GRIA1: variants seen among roughly 807,000 people sequenced by gnomAD.
The protein encoded by GRIA1 is glutamate receptor 1.
GRIA1 carries 31 observed loss-of-function variants against 99.2 expected under a neutral mutation model. That is an observed-to-expected ratio of 0.31 (90% CI 0.23 to 0.42). GRIA1 has a LOEUF of 0.42. Among genes scored for constraint, GRIA1 ranks in the 10% least tolerant of loss-of-function variants. The probability of loss-of-function intolerance (pLI) is 1.00; values close to 1 mark genes in which losing one functional copy is unlikely to be tolerated. For synonymous variants in GRIA1, 438 were observed against 432.4 expected, an observed-to-expected ratio of 1.01 and a Z score of -0.16; for missense variants, 782 against 1,157.5, an observed-to-expected ratio of 0.68 and a Z score of 4.71.
chr5:153,535,286 T>C (rs2113457424), intron 2 of GRIA1, among the ~76,000 whole-genome samples: 1 of 152,310 alleles, frequency 6.6e-6, no homozygotes, highest in Middle Eastern at 3.4e-3. Flanking sequence ...ACGTGCCATG[T>C]AAATTTAGAA....
chr5:153,655,773 T>C (rs775503368), intron 4 of GRIA1, 46 bp from the exon 5 acceptor site: 11 of 1,546,624 alleles, frequency 7.1e-6, no homozygotes, highest in Non-Finnish European at 9.8e-6. Context: ...GTCGTGGCTT[T>C]AACTGTTAGT....
At chr5:153,759,655 C>T (rs1194684510) in intron 11 of GRIA1, among the ~76,000 whole-genome samples, 2 of 151,952 alleles carry the variant, frequency 1.3e-5, no homozygotes, top group African/African-American at 2.4e-5. Flanking sequence ...TATTCTCAAA[C>T]TATTCCAAAA....
intron 2 of GRIA1, among the ~76,000 whole-genome samples, chr5:153,597,876 G>A (rs1047429991): frequency 5.3e-5 from 8 of 151,696 alleles, no homozygotes; most frequent in African/African-American, 1.7e-4. Flanking sequence ...GCCTGGTGCT[G>A]TGGCATGTAC....
At chr5:153,511,107 C>T (rs745782765) in intron 2 of GRIA1, among the ~76,000 whole-genome samples, 7 of 152,172 alleles carry the variant, frequency 4.6e-5, no homozygotes, top group Non-Finnish European at 1.0e-4. Context: ...CTCTGTAGCC[C>T]ACAGAACAGG....
chr5:153,714,123 C>T (rs1232393036), intron 11 of GRIA1, among the ~76,000 whole-genome samples: 1 of 152,096 alleles, frequency 6.6e-6, no homozygotes, highest in Non-Finnish European at 1.5e-5. Flanking sequence ...GGAAGTCAGC[C>T]GGGGGCTGTG....
intron 11 of GRIA1, among the ~76,000 whole-genome samples, chr5:153,743,149 C>A (rs920276401): frequency 6.6e-6 from 1 of 152,108 alleles, no homozygotes; most frequent in African/African-American, 2.4e-5. Flanking sequence ...AAGTGGAGAC[C>A]GAGGCTAAAA....
intron 2 of GRIA1, among the ~76,000 whole-genome samples, chr5:153,562,889 T>G (rs985941635): frequency 3.3e-5 from 5 of 152,288 alleles, no homozygotes; most frequent in African/African-American, 1.2e-4. Context: ...TTTGAAATCC[T>G]GCTTGCGGCC....
At chr5:153,663,228 G>A (rs1325003214) in intron 5 of GRIA1, among the ~76,000 whole-genome samples, 1 of 152,124 alleles carries the variant, frequency 6.6e-6, no homozygotes, top group East Asian at 1.9e-4. Context: ...ATTTTATAAG[G>A]AGAAAAATGA....
chr5:153,555,502 A>T (rs1235035494), intron 2 of GRIA1, among the ~76,000 whole-genome samples: 1 of 152,168 alleles, frequency 6.6e-6, no homozygotes, highest in Non-Finnish European at 1.5e-5. Context: ...CACTGGAGGA[A>T]TGTTGTAATA....
chr5:153,806,696 G>C (rs940763442), intron 15 of GRIA1, among the ~76,000 whole-genome samples: 1 of 152,216 alleles, frequency 6.6e-6, no homozygotes, highest in African/African-American at 2.4e-5. Context: ...GCAGAAAAGA[G>C]AAAGAAGGGT....
chr5:153,568,470 T>C (rs1761843061), intron 2 of GRIA1, among the ~76,000 whole-genome samples: 1 of 152,178 alleles, frequency 6.6e-6, no homozygotes, highest in Admixed American at 6.5e-5. Context: ...CAAAATATCA[T>C]CAGAAACAGT....
At position 153,490,747 on chromosome 5, in the gene GRIA1, A is replaced by AAAGG; in HGVS notation, c.-134_-131dup. The AAAGG allele has an allele frequency of 4.1e-6, 3 of 740,018 alleles. No homozygotes were observed. In the East Asian group the frequency reaches 7.4e-5, roughly 18 times the overall value. 45.8% of individuals were successfully genotyped at this position (740,018 alleles called of 1,614,324 possible). ...CCAAGGGAAACAGACAAACCTCACG[A>AAAGG]AAGGAAGGAAGCAAGCAAGCAAGGA... is the stretch of plus-strand genomic sequence containing the variant. On this transcript the variant is annotated 5_prime_UTR_variant, in exon 1 of 16. Coordinates refer to ENST00000285900, the MANE Select transcript of GRIA1 (RefSeq NM_000827.4).
chr5:153,798,922 T>TG (rs1020413513), intron 14 of GRIA1, among the ~76,000 whole-genome samples: 3 of 151,728 alleles, frequency 2.0e-5, no homozygotes, highest in East Asian at 1.9e-4. Flanking sequence ...AACAGATGAG[T>TG]GGGGGGGTTT....
chr5:153,676,730 A>G (rs1025014304), intron 6 of GRIA1, among the ~76,000 whole-genome samples: 2 of 152,180 alleles, frequency 1.3e-5, no homozygotes, highest in African/African-American at 4.8e-5. Context: ...TCTCTTCAAA[A>G]ATTATAACTG....
At chr5:153,740,686 T>C (rs1442431209) in intron 11 of GRIA1, among the ~76,000 whole-genome samples, 3 of 152,192 alleles carry the variant, frequency 2.0e-5, no homozygotes, top group African/African-American at 4.8e-5. Flanking sequence ...CAAGGCAAAA[T>C]TGCTGGTCCA....
chr5:153,578,296 C>T (rs921641810), intron 2 of GRIA1, among the ~76,000 whole-genome samples: 1 of 151,836 alleles, frequency 6.6e-6, no homozygotes, highest in African/African-American at 2.4e-5. Context: ...CAGTGAATGC[C>T]CTTACTGAGT....
intron 4 of GRIA1, among the ~76,000 whole-genome samples, chr5:153,654,802 C>T (rs1423568993): frequency 2.6e-5 from 4 of 152,100 alleles, no homozygotes; most frequent in Non-Finnish European, 5.9e-5. Flanking sequence ...GAGCAGAGTA[C>T]ACTAACCCCA....
chr5:153,591,537 T>C (rs1192873856), intron 2 of GRIA1, among the ~76,000 whole-genome samples: 1 of 152,220 alleles, frequency 6.6e-6, no homozygotes, highest in African/African-American at 2.4e-5. Flanking sequence ...ATCTTGTATA[T>C]GCCTTTTCAC....
At chr5:153,612,833 G>A (rs1451911955) in intron 2 of GRIA1, among the ~76,000 whole-genome samples, 1 of 152,086 alleles carries the variant, frequency 6.6e-6, no homozygotes. Flanking sequence ...AGAGCCAGCG[G>A]CAGTATTAGC....
Sources: gnomAD v4.1 joint callset for allele counts (sites outside exome capture counted in the v4.1 genomes callset) on GRCh38, gnomAD v4.1.1 for gene constraint, MANE v1.5 for transcripts, NCBI Gene and HGNC (gene_info 2026-07-23, HGNC 2026-07-21) for gene names.